SLC5A11: variants seen among roughly 807,000 people sequenced by gnomAD.
SLC5A11 encodes sodium/myo-inositol cotransporter 2.
Under a neutral mutation model 69.8 loss-of-function variants are expected in SLC5A11, and 48 were observed. That is an observed-to-expected ratio of 0.69 (90% confidence interval 0.55 to 0.87). The LOEUF is 0.87. SLC5A11 is among the 40% of genes least tolerant of loss of function. The probability of loss-of-function intolerance (pLI) is 0.00; values close to 1 mark genes in which losing one functional copy is unlikely to be tolerated. For missense variants in SLC5A11, 784 were observed against 866.1 expected (o/e 0.91, Z 1.19); for synonymous variants, 319 against 342.4 (o/e 0.93, Z 0.75).
rs1313124117 is a variant in SLC5A11 at position 24,869,960 on chromosome 16, G to A, written c.267G>A (p.Gly89=). 9.9e-6 allele frequency: 16 copies of A among 1,614,140 alleles called. No homozygotes were observed. The South Asian group carries it at 1.4e-4, about 14-fold the overall frequency. Residue 89 remains glycine, a synonymous_variant, in exon 4 of 16, where the codon GGG becomes GGA. Coordinates refer to ENST00000347898, the Ensembl canonical transcript of SLC5A11. ...GTGGACATTTCATTGGCCTGGCAGG[G>A]TCAGGTGCTGCTACGGGCATTTCTG...
chr16:24,858,194 A>G (rs983104411), intron 1 of SLC5A11, among the ~76,000 whole-genome samples: 2 of 152,190 alleles, frequency 1.3e-5, no homozygotes, highest in Non-Finnish European at 2.9e-5. Flanking sequence ...TAGCATTGGA[A>G]CAAGATTATG....
intron 7 of SLC5A11, among the ~76,000 whole-genome samples, chr16:24,883,308 T>TA (rs2048167342): frequency 6.6e-6 from 1 of 152,094 alleles, no homozygotes; most frequent in Admixed American, 6.6e-5. Flanking sequence ...TAGGCTGCAG[T>TA]GAGCTATGAT....
At chr16:24,899,999 A>C (rs1327011556) in intron 10 of SLC5A11, among the ~76,000 whole-genome samples, 4 of 152,054 alleles carry the variant, frequency 2.6e-5, no homozygotes, top group Non-Finnish European at 5.9e-5. Context: ...CATTGTGCCC[A>C]GCTGGGTGTA....
chr16:24,893,517 C>A (rs1052384517), intron 9 of SLC5A11, among the ~76,000 whole-genome samples: 1 of 151,814 alleles, frequency 6.6e-6, no homozygotes, highest in African/African-American at 2.4e-5. Context: ...TTTATTGAAC[C>A]AATGTTTACT....
At chr16:24,877,122 A>C (rs2047726067) in intron 6 of SLC5A11, 136 bp from the exon 8 acceptor site, 1 of 1,507,680 alleles carries the variant, frequency 6.6e-7, no homozygotes. Context: ...CAGTGGATTA[A>C]CAAGGGATGA....
chr16:24,860,023 C>T lies in SLC5A11; in HGVS notation c.135+1245C>T, dbSNP rs575804941. 9.2e-5 allele frequency among the ~76,000 whole-genome samples: 14 copies of T among 152,236 alleles called. No individual in the cohort carries two copies. In the South Asian group the frequency reaches 1.2e-3, roughly 14 times the overall value. On this transcript the variant is annotated intron_variant, in intron 2 of 15. Transcript: ENST00000347898. Reference sequence around the variant, plus strand: ...AAATTAGGCCAGGCGCGGTGGCTCACGCCTGTAATCCCAGCACTTTGGGAG... The same window carrying T: ...AAATTAGGCCAGGCGCGGTGGCTCATGCCTGTAATCCCAGCACTTTGGGAG...
At chr16:24,848,111 G>A (rs2059109204) in intron 1 of SLC5A11, among the ~76,000 whole-genome samples, 1 of 152,218 alleles carries the variant, frequency 6.6e-6, no homozygotes. Flanking sequence ...AGAGTGCAGG[G>A]AAGAGCATCC....
chr16:24,902,565 G>A (rs926649826), intron 10 of SLC5A11, among the ~76,000 whole-genome samples: 2 of 37,706 alleles, frequency 5.3e-5, no homozygotes, highest in African/African-American at 1.1e-4. Flanking sequence ...TTTTTTTTTT[G>A]AGACGGTGTT....
intron 8 of SLC5A11, among the ~76,000 whole-genome samples, chr16:24,889,543 ATT>A (rs71156454): frequency 1.5e-3 from 109 of 74,328 alleles, no homozygotes; most frequent in East Asian, 3.4e-3. Context: ...AGGTCTTACA[ATT>A]TTTTTTTTTT....
At chr16:24,851,745 C>G (rs2059317744) in intron 1 of SLC5A11, among the ~76,000 whole-genome samples, 2 of 152,138 alleles carry the variant, frequency 1.3e-5, no homozygotes, top group African/African-American at 2.4e-5. Context: ...AATTATTAAC[C>G]TCATTTCGTA....
intron 1 of SLC5A11, among the ~76,000 whole-genome samples, chr16:24,847,605 C>T (rs1567548532): frequency 6.6e-6 from 1 of 152,176 alleles, no homozygotes; most frequent in South Asian, 2.1e-4. Context: ...ATTCTCCCGC[C>T]TCAGCCTTGC....
At chr16:24,882,561 C>G (rs2152336422) in intron 7 of SLC5A11, among the ~76,000 whole-genome samples, 1 of 152,262 alleles carries the variant, frequency 6.6e-6, no homozygotes. Context: ...GGAGGAAGAA[C>G]AGAGGTTTAA....
intron 7 of SLC5A11, among the ~76,000 whole-genome samples, chr16:24,878,642 C>T (rs2047843010): frequency 6.6e-6 from 1 of 152,186 alleles, no homozygotes; most frequent in African/African-American, 2.4e-5. Context: ...GTGTGCCAGA[C>T]ATCATGCCAG....
intron 4 of SLC5A11, 148 bp downstream of exon 5, chr16:24,870,153 G>A (rs1408171862): frequency 1.8e-6 from 1 of 561,984 alleles, no homozygotes; most frequent in Non-Finnish European, 3.2e-6. Flanking sequence ...AGCACTTTGG[G>A]AGGCCAAGGC....
At chr16:24,865,601 T>C (rs1365557687) in intron 3 of SLC5A11, among the ~76,000 whole-genome samples, 1 of 151,956 alleles carries the variant, frequency 6.6e-6, no homozygotes, top group Non-Finnish European at 1.5e-5. Context: ...GGTTTTTTCA[T>C]CAGAAACCAT....
At chr16:24,856,903 C>T (rs1164803637) in intron 1 of SLC5A11, among the ~76,000 whole-genome samples, 1 of 152,158 alleles carries the variant, frequency 6.6e-6, no homozygotes, top group African/African-American at 2.4e-5. Context: ...TCACTGCAAC[C>T]TCCACCTCCC....
intron 8 of SLC5A11, among the ~76,000 whole-genome samples, 155 bp from the exon 10 acceptor site, chr16:24,890,714 A>C (rs2048736306): frequency 6.6e-6 from 1 of 151,948 alleles, no homozygotes; most frequent in Non-Finnish European, 1.5e-5. Context: ...TTTTTAAGTT[A>C]AAAAAATGTG....
At chr16:24,858,666 C>T in exon 2 of SLC5A11, 1 of 1,610,584 alleles carries the variant, frequency 6.2e-7, no homozygotes, top group Non-Finnish European at 8.5e-7. Context: ...ACCAGCAGCC[C>T]TCAGCCTCCA....
chr16:24,873,412 C>T (rs895385952), intron 5 of SLC5A11, among the ~76,000 whole-genome samples: 6 of 151,990 alleles, frequency 3.9e-5, no homozygotes, highest in Non-Finnish European at 7.4e-5. Flanking sequence ...GGGAGGATTG[C>T]TTGAAGCCAG....
Sources: allele counts gnomAD v4.1 joint callset (sites outside exome capture counted in the v4.1 genomes callset), GRCh38; gene constraint gnomAD v4.1.1; transcripts MANE v1.5; gene names NCBI Gene and HGNC (gene_info 2026-07-23, HGNC 2026-07-21).